The following SORBS2 variants were observed in gnomAD, a reference collection of about 807,000 sequenced individuals.
The protein encoded by SORBS2 is sorbin and SH3 domain containing 2.
In SORBS2, 46 loss-of-function variants were observed where a neutral mutation model predicts 97.7. The ratio of observed to expected loss-of-function variants is 0.47; its 90% CI spans 0.37 to 0.60. The LOEUF (loss-of-function observed/expected upper bound fraction) is 0.60. Ranked by LOEUF, SORBS2 falls within the 20% of genes least tolerant of loss-of-function variation. The pLI is 0.00. For synonymous variants in SORBS2, 476 were observed against 473.4 expected (o/e 1.01, Z -0.07); for missense variants, 1,316 against 1,282.3 (o/e 1.03, Z -0.40).
chr4:185,876,992 G>C (rs987361356), intron 1 of SORBS2, among the ~76,000 whole-genome samples: 1 of 152,178 alleles, frequency 6.6e-6, no homozygotes, highest in African/African-American at 2.4e-5. Context: ...TGTAGCTTAA[G>C]CCTTTTTCTG....
intron 1 of SORBS2, among the ~76,000 whole-genome samples, chr4:185,850,122 G>A (rs938399546): frequency 5.9e-5 from 9 of 152,168 alleles, no homozygotes; most frequent in African/African-American, 2.2e-4. Context: ...GAGCAGAGGC[G>A]AACCTGGTTT....
At chr4:185,924,876 A>G (rs1419181855) in intron 1 of SORBS2, among the ~76,000 whole-genome samples, 4 of 152,052 alleles carry the variant, frequency 2.6e-5, no homozygotes, top group African/African-American at 9.6e-5. Context: ...GCTCCATGAA[A>G]CCACTCCATG....
intron 14 of SORBS2, chr4:185,589,204 T>C (rs2035549): frequency 0.97 from 148,535 of 152,570 alleles, 72,313 homozygotes; most frequent in East Asian, 1. Context: ...AACGTCTCTC[T>C]GCTTCCACCA....
intron 2 of SORBS2, among the ~76,000 whole-genome samples, chr4:185,715,049 T>C (rs2098454680): frequency 6.6e-6 from 1 of 152,082 alleles, no homozygotes; most frequent in South Asian, 2.1e-4. Context: ...CATGGCATTT[T>C]TCACGACAGA....
At chr4:185,816,065 T>C (rs1209168633) in intron 1 of SORBS2, among the ~76,000 whole-genome samples, 1 of 152,248 alleles carries the variant, frequency 6.6e-6, no homozygotes, top group Non-Finnish European at 1.5e-5. Flanking sequence ...CTGAGGAGGC[T>C]ACTCTGGTAG....
chr4:185,922,284 C>G (rs919933230), intron 1 of SORBS2, among the ~76,000 whole-genome samples: 1 of 110,774 alleles, frequency 9.0e-6, no homozygotes, highest in Non-Finnish European at 1.9e-5. Flanking sequence ...CTTCCTCTCT[C>G]TGTCCCAGCC....
At chr4:185,656,807 C>G in exon 1 of SORBS2, 1 of 1,400,844 alleles carries the variant, frequency 7.1e-7, no homozygotes, top group Non-Finnish European at 9.2e-7. Context: ...AGTTTTAAAA[C>G]TTAAAAAAAA....
chr4:185,924,954 C>T (rs1029426241), intron 1 of SORBS2, among the ~76,000 whole-genome samples: 1 of 152,114 alleles, frequency 6.6e-6, no homozygotes, highest in African/African-American at 2.4e-5. Flanking sequence ...TCATCCGAGT[C>T]GTATCAACTT....
intron 1 of SORBS2, among the ~76,000 whole-genome samples, chr4:185,808,294 G>A (rs2099165250): frequency 6.6e-6 from 1 of 151,954 alleles, no homozygotes; most frequent in Non-Finnish European, 1.5e-5. Flanking sequence ...CCAAATATCA[G>A]GATATTTTAA....
intron 12 of SORBS2, among the ~76,000 whole-genome samples, chr4:185,604,742 G>A (rs559192131): frequency 1.1e-4 from 16 of 152,026 alleles, no homozygotes; most frequent in Non-Finnish European, 2.1e-4. Flanking sequence ...TTAATTTTTC[G>A]CATGGGGGTG....
chr4:185,923,392 A>C (rs1222210736), intron 1 of SORBS2, among the ~76,000 whole-genome samples: 3 of 151,910 alleles, frequency 2.0e-5, no homozygotes, highest in Non-Finnish European at 4.4e-5. Context: ...TCCTGGGCTC[A>C]AGTGATCCTC....
At chr4:185,673,002 G>A (rs1268430749) in intron 4 of SORBS2, among the ~76,000 whole-genome samples, 2 of 152,144 alleles carry the variant, frequency 1.3e-5, no homozygotes, top group African/African-American at 4.8e-5. Context: ...TAAAGACAAC[G>A]TGGTGTATAC....
At chr4:185,796,069 T>C (rs1453624464) in intron 1 of SORBS2, among the ~76,000 whole-genome samples, 4 of 151,950 alleles carry the variant, frequency 2.6e-5, no homozygotes, top group Admixed American at 6.6e-5. Context: ...AATTCCCTTA[T>C]TTTTTTTAAA....
chr4:185,643,724 T>C (rs1413743264), intron 4 of SORBS2, among the ~76,000 whole-genome samples: 1 of 152,034 alleles, frequency 6.6e-6, no homozygotes, highest in Admixed American at 6.5e-5. Flanking sequence ...CATGTAGAGA[T>C]TCAAAAGAGC....
chr4:185,685,774 C>T (rs181611627), intron 2 of SORBS2, among the ~76,000 whole-genome samples: 69 of 152,316 alleles, frequency 4.5e-4, no homozygotes, highest in Admixed American at 4.2e-3. Flanking sequence ...CTTTCCGCCT[C>T]GGCCTCCCAT....
intron 1 of SORBS2, among the ~76,000 whole-genome samples, chr4:185,830,023 C>T (rs1327834653): frequency 6.6e-6 from 1 of 152,186 alleles, no homozygotes; most frequent in Non-Finnish European, 1.5e-5. Flanking sequence ...TAAATTTCCA[C>T]TATAATTTTC....
intron 2 of SORBS2, among the ~76,000 whole-genome samples, chr4:185,686,951 C>A (rs73876149): frequency 0.012 from 1,900 of 152,260 alleles, 44 homozygotes; most frequent in African/African-American, 0.044. Context: ...ACATAATAGA[C>A]GCGCTATATT....
In SORBS2 at chr4:185,826,335, C is replaced by T. The variant is rs555989884; in HGVS notation, c.-337-50969G>A. The stretch of plus-strand genomic sequence containing the variant: ...AGCTGAGGTGCCTATGCTCATCGAC[C>T]ACTACTACCTGTTCTTCAAGCTACC... On this transcript the variant is annotated intron_variant, in intron 1 of 20. Transcript: ENST00000284776. Among the ~76,000 whole-genome samples, 7 of 152,314 alleles carry T rather than the reference C, an allele frequency of 4.6e-5. No homozygotes were observed. In the East Asian group the frequency reaches 7.7e-4, roughly 17 times the overall value.
intron 2 of SORBS2, 116 bp downstream of exon 10, chr4:185,652,546 G>A (rs1400097557): frequency 5.0e-6 from 4 of 794,792 alleles, no homozygotes; most frequent in Admixed American, 1.9e-5. Flanking sequence ...GAAAAGAAAG[G>A]GGACACGGAG....
Sources: allele counts gnomAD v4.1 joint callset (sites outside exome capture counted in the v4.1 genomes callset), GRCh38; gene constraint gnomAD v4.1.1; transcripts MANE v1.5; gene names NCBI Gene and HGNC (gene_info 2026-07-23, HGNC 2026-07-21).